The following NEDD1 variants were observed in gnomAD, a reference collection of about 807,000 sequenced individuals.
NEDD1 encodes the protein protein NEDD1.
NEDD1 carries 33 observed loss-of-function variants against 74.0 expected under a neutral mutation model. That is an observed-to-expected ratio of 0.45 (90% CI 0.34 to 0.60). The LOEUF (loss-of-function observed/expected upper bound fraction) is 0.60. Among genes scored for constraint, NEDD1 ranks in the 20% least tolerant of loss-of-function variants. The pLI is 0.01. For synonymous variants in NEDD1, 250 were observed against 264.4 expected (o/e 0.95, Z 0.53); for missense variants, 746 against 776.5 (o/e 0.96, Z 0.47).
intron 1 of NEDD1, 120 bp from the exon 2 acceptor site, chr12:96,907,484 C>G (rs1398371192): frequency 1.2e-6 from 1 of 824,814 alleles, no homozygotes; most frequent in East Asian, 2.7e-5. Context: ...TCCGGGGAGG[C>G]GCGGGCCGGG....
At chr12:96,932,564 T>G (rs1876664164) in intron 6 of NEDD1, among the ~76,000 whole-genome samples, 1 of 108,034 alleles carries the variant, frequency 9.3e-6, no homozygotes, top group Non-Finnish European at 2.0e-5. Flanking sequence ...GTGTTTTGTT[T>G]ATCCAGGATT....
At chr12:96,946,643 G>A (rs991220041) in intron 14 of NEDD1, among the ~76,000 whole-genome samples, 3 of 152,160 alleles carry the variant, frequency 2.0e-5, no homozygotes, top group Non-Finnish European at 2.9e-5. Context: ...CAGATACTAA[G>A]GATACATCAA....
intron 9 of NEDD1, among the ~76,000 whole-genome samples, chr12:96,937,880 A>G (rs1012202482): frequency 6.6e-6 from 1 of 152,114 alleles, no homozygotes; most frequent in African/African-American, 2.4e-5. Flanking sequence ...TTGATGTGTT[A>G]TATGATAAGC....
Position 96,937,309 on chromosome 12 carries a change from C to G in NEDD1, c.1033C>G (p.Pro345Ala). 6.2e-7 allele frequency: 1 copy of G among 1,612,224 alleles called. No individual in the cohort carries two copies. The highest frequency in any genetic ancestry group is 1.1e-5 in the South Asian group (1 of 91,002). ...VQNSGIVREA[P>A]ATSIATVLPQ... ...GAATTCCGGAATTGTCAGAGAAGCA[C>G]CTGCCACGTCCATTGCCACAGTTCT... The change falls in exon 9 of 16, where the codon CCT becomes GCT. Residue 345 changes from proline to alanine, a missense_variant. Physicochemically the swap from Pro to Ala is conservative, Grantham distance 27. Around this residue, in one of 3 missense-constraint regions of NEDD1, gnomAD observed 706 missense variants for 706.7 expected, o/e 1.00. Coordinates refer to ENST00000266742, the MANE Select transcript of NEDD1 (RefSeq NM_152905.4).
intron 2 of NEDD1, among the ~76,000 whole-genome samples, chr12:96,908,640 G>C (rs1212164591): frequency 6.6e-6 from 1 of 152,160 alleles, no homozygotes; most frequent in East Asian, 1.9e-4. Flanking sequence ...AATGATTGAA[G>C]GCATCGTAGT....
At chr12:96,924,910 C>T (rs1798947526) in intron 6 of NEDD1, 1 of 442,638 alleles carries the variant, frequency 2.3e-6, no homozygotes, top group African/African-American at 2.0e-5. Flanking sequence ...AAGAAGCATT[C>T]AATTTACTAC....
chr12:96,937,595 C>T (rs1406771415), intron 9 of NEDD1, among the ~76,000 whole-genome samples: 3 of 151,896 alleles, frequency 2.0e-5, no homozygotes, highest in Non-Finnish European at 2.9e-5. Flanking sequence ...TGATAAAAGG[C>T]CCTTATTGTT....
chr12:96,920,209 G>A (rs1874919924), intron 6 of NEDD1, 84 bp downstream of exon 6: 1 of 814,572 alleles, frequency 1.2e-6, no homozygotes, highest in Non-Finnish European at 1.8e-6. Context: ...TTAAGTTTTT[G>A]AAATGCTTGA....
At chr12:96,923,789 TG>T (rs2136540444) in intron 6 of NEDD1, among the ~76,000 whole-genome samples, 1 of 2,414 alleles carries the variant, frequency 4.1e-4, no homozygotes, top group Admixed American at 4.2e-3. Flanking sequence ...AATACCTGTT[TG>T]TGTGTGTGTG....
chr12:96,910,594 GC>G (rs966360902), intron 3 of NEDD1, among the ~76,000 whole-genome samples: 5 of 152,096 alleles, frequency 3.3e-5, no homozygotes, highest in African/African-American at 1.2e-4. Context: ...ACTTTTTGGG[GC>G]AGAAAATTTG....
At chr12:96,934,830 G>A (rs551104647) in intron 6 of NEDD1, 146 bp from the exon 7 acceptor site, 9 of 626,620 alleles carry the variant, frequency 1.4e-5, no homozygotes, top group Admixed American at 5.6e-5. Context: ...GAGCCACCAC[G>A]TCTGGCTGAA....
At chr12:96,924,511 G>C (rs1875477708) in intron 6 of NEDD1, among the ~76,000 whole-genome samples, 1 of 152,022 alleles carries the variant, frequency 6.6e-6, no homozygotes. Flanking sequence ...ACTGTAGAGG[G>C]CTTGCATATC....
At chr12:96,937,160 T>C in intron 8 of NEDD1, 38 bp from the exon 9 acceptor site, 1 of 1,199,968 alleles carries the variant, frequency 8.3e-7, no homozygotes, top group South Asian at 1.6e-5. Flanking sequence ...TATGAAACAT[T>C]AGTAACCTGA....
At chr12:96,922,929 A>G (rs1308414043) in intron 6 of NEDD1, among the ~76,000 whole-genome samples, 1 of 151,990 alleles carries the variant, frequency 6.6e-6, no homozygotes, top group African/African-American at 2.4e-5. Flanking sequence ...ACCTTGGGCA[A>G]TGTGGCAAAA....
At chr12:96,941,127 A>G (rs957707944) in intron 10 of NEDD1, among the ~76,000 whole-genome samples, 7 of 152,108 alleles carry the variant, frequency 4.6e-5, no homozygotes, top group African/African-American at 1.4e-4. Flanking sequence ...TAACATGGAT[A>G]CATTTCTAGA....
rs146135363 is a variant in NEDD1, at chr12:96,917,405, T to C, written c.232-216T>C. ...TCCACAGAAGTGAATGCAAATCTAT[T>C]TGATTTCCTTGAAGCATTTTTGACC... On this transcript the variant is annotated intron_variant, in intron 4 of 15. Coordinates refer to ENST00000266742, the MANE Select transcript of NEDD1 (RefSeq NM_152905.4). Among the ~76,000 whole-genome samples, 5 of 152,292 alleles carry C rather than the reference T, an allele frequency of 3.3e-5. No homozygotes were observed. In the East Asian group the frequency reaches 7.7e-4, roughly 24 times the overall value.
At chr12:96,944,925 C>T in intron 13 of NEDD1, 130 bp downstream of exon 13, 1 of 601,156 alleles carries the variant, frequency 1.7e-6, no homozygotes, top group Non-Finnish European at 2.8e-6. Flanking sequence ...TTTGTGGACA[C>T]TTCTGTTGTG....
intron 11 of NEDD1, among the ~76,000 whole-genome samples, chr12:96,942,842 A>G (rs73226539): frequency 5.8e-4 from 88 of 152,194 alleles, no homozygotes; most frequent in Admixed American, 1.2e-3. Context: ...GCTTCATTCA[A>G]CTTAAGACTC....
intron 6 of NEDD1, among the ~76,000 whole-genome samples, chr12:96,923,016 C>G (rs1210641546): frequency 6.6e-6 from 1 of 151,978 alleles, no homozygotes; most frequent in East Asian, 1.9e-4. Flanking sequence ...GCTTGGGAGG[C>G]TGAGGCAGGA....
Sources: gnomAD v4.1 joint callset for allele counts (sites outside exome capture counted in the v4.1 genomes callset) on GRCh38, gnomAD v4.1.1 for gene constraint, gnomAD v4.1.1 regional missense constraint, MANE v1.5 for transcripts, NCBI Gene and HGNC (gene_info 2026-07-23, HGNC 2026-07-21) for gene names.